Variants in LYST observed in about 807,000 individuals in gnomAD.
LYST encodes the protein lysosomal trafficking regulator.
In LYST, 192 loss-of-function variants were observed where a neutral mutation model predicts 413.6. The ratio of observed to expected loss-of-function variants is 0.46; its 90% CI spans 0.41 to 0.52. The LOEUF is 0.52. LYST is among the 20% of genes least tolerant of loss of function. LYST has a pLI of 0.00. For missense variants in LYST, 3,815 were observed against 4,499.9 expected, an observed-to-expected ratio of 0.85 and a Z score of 4.35; for synonymous variants, 1,525 against 1,567.3, an observed-to-expected ratio of 0.97 and a Z score of 0.64.
Position 235,734,490 on chromosome 1 carries a change from A to G in LYST, c.8528T>C (p.Ile2843Thr), listed in dbSNP as rs373676969. Reference protein sequence around the residue: ...ASTKADLIKMIKEEQKKYETE... With the variant: ...ASTKADLIKMTKEEQKKYETE... Reference sequence around the variant, plus strand: ...ATGGTTTCATTGACTCACCTCTTTGATCATTTTAATAAGGTCTGCTTTTGT... The same window carrying G: ...ATGGTTTCATTGACTCACCTCTTTGGTCATTTTAATAAGGTCTGCTTTTGT... The change falls in exon 32 of 53, where the codon ATC (isoleucine) becomes ACC (threonine). Residue 2843 changes from isoleucine (I) to threonine (T), a missense_variant. By Grantham distance (89) the Ile-to-Thr change is moderately conservative (BLOSUM62 -1). Transcript: ENST00000389793. The G allele has an allele frequency of 9.3e-6, 15 of 1,613,272 alleles. No homozygotes were observed. In the African/African-American group the frequency reaches 2.0e-4, roughly 22 times the overall value.
intron 31 of LYST, chr1:235,739,080 A>G (rs1665095741): frequency 1.8e-6 from 1 of 570,444 alleles, no homozygotes; most frequent in African/African-American, 1.9e-5. Context: ...CTGATCTGTG[A>G]TTAAAGCAGT....
chr1:235,863,296 G>A (rs1190425274), intron 1 of LYST, among the ~76,000 whole-genome samples: 1 of 151,976 alleles, frequency 6.6e-6, no homozygotes, highest in Admixed American at 6.6e-5. Flanking sequence ...GGAGGCTGAG[G>A]CAGGAGAATT....
intron 1 of LYST, among the ~76,000 whole-genome samples, chr1:235,874,371 C>T (rs1260622407): frequency 6.6e-6 from 1 of 152,158 alleles, no homozygotes; most frequent in Non-Finnish European, 1.5e-5. Flanking sequence ...GACAAGTAAA[C>T]AAGCAACTAT....
chr1:235,731,557 T>A (rs984072780), intron 34 of LYST, among the ~76,000 whole-genome samples: 3 of 59,320 alleles, frequency 5.1e-5, no homozygotes, highest in Non-Finnish European at 1.2e-4. Context: ...CCATTTTGCA[T>A]TTTTTTTTTT....
intron 1 of LYST, among the ~76,000 whole-genome samples, chr1:235,872,659 A>G (rs1680986007): frequency 6.6e-6 from 1 of 152,120 alleles, no homozygotes; most frequent in Non-Finnish European, 1.5e-5. Flanking sequence ...AGTGGCTCAT[A>G]CCTGTAATCC....
intron 12 of LYST, among the ~76,000 whole-genome samples, chr1:235,790,720 T>C (rs1202714305): frequency 6.6e-6 from 1 of 152,208 alleles, no homozygotes; most frequent in African/African-American, 2.4e-5. Flanking sequence ...TCCATCACCA[T>C]AAATTGCTTT....
chr1:235,709,016 T>G, intron 44 of LYST, 75 bp downstream of exon 44: 2 of 1,326,126 alleles, frequency 1.5e-6, no homozygotes, highest in South Asian at 2.4e-5. Flanking sequence ...TTTAAAGGAA[T>G]GGCCGAACAA....
chr1:235,805,682 G>C (rs1278066870), intron 6 of LYST, 61 bp downstream of exon 6: 1 of 852,672 alleles, frequency 1.2e-6, no homozygotes, highest in Admixed American at 2.1e-5. Context: ...ATATATATAT[G>C]TGTGTGTGTA....
chr1:235,701,298 T>G (rs181660992), intron 45 of LYST, among the ~76,000 whole-genome samples: 155 of 152,274 alleles, frequency 1.0e-3, no homozygotes, highest in African/African-American at 3.6e-3. Context: ...ATTTATTAAT[T>G]TTCAGGGATG....
At chr1:235,712,717 G>A (rs564308044) in intron 42 of LYST, 71 of 984,872 alleles carry the variant, frequency 7.2e-5, no homozygotes, top group Admixed American at 3.7e-4. Context: ...AGGTTACGGT[G>A]CATTGTTTTT....
intron 10 of LYST, among the ~76,000 whole-genome samples, chr1:235,798,577 A>T (rs12092881): frequency 0.46 from 54,367 of 116,924 alleles, 14,765 homozygotes; most frequent in African/African-American, 0.76. Context: ...AAACCCTGTC[A>T]TAAAAAAAAA....
At chr1:235,808,125 T>C (rs1444317361) in intron 5 of LYST, among the ~76,000 whole-genome samples, 1 of 152,240 alleles carries the variant, frequency 6.6e-6, no homozygotes, top group Non-Finnish European at 1.5e-5. Flanking sequence ...CTCAGTTGTA[T>C]ATCTAAAACT....
intron 45 of LYST, among the ~76,000 whole-genome samples, chr1:235,699,217 T>C (rs953403334): frequency 6.6e-6 from 1 of 152,158 alleles, no homozygotes; most frequent in Non-Finnish European, 1.5e-5. Context: ...AGGTTTTGTC[T>C]TGATGCTCTC....
chr1:235,811,946 A>T (rs12758243), intron 4 of LYST, among the ~76,000 whole-genome samples: 13,902 of 152,230 alleles, frequency 0.091, 828 homozygotes, highest in South Asian at 0.15. Flanking sequence ...AAAACCTTAG[A>T]TACCTCCTTA....
chr1:235,830,089 C>CTTTTTTTTTTTTTT, intron 3 of LYST, 137 bp downstream of exon 3: 1 of 615,956 alleles, frequency 1.6e-6, no homozygotes, highest in Non-Finnish European at 2.8e-6. Flanking sequence ...AATAGGTCCA[C>CTTTTTTTTTTTTTT]TTTTTTTTTA....
rs1406167763 is a variant in LYST, at chr1:235,806,408, T to C, written c.2728A>G (p.Ser910Gly). 6.2e-7 allele frequency: 1 copy of C among 1,613,918 alleles called. No homozygotes were observed. The highest frequency in any genetic ancestry group is 8.5e-7 in the Non-Finnish European group (1 of 1,179,996). ...LFLCVAFLCV[S>G]KEAESDRESA... Reference sequence around the variant, plus strand: ...TCCCTGTCAGACTCTGCTTCTTTACTTACGCATAAAAAAGCCACACAGAGG... The same window carrying C: ...TCCCTGTCAGACTCTGCTTCTTTACCTACGCATAAAAAAGCCACACAGAGG... Residue 910 changes from serine (S) to glycine (G), a missense_variant, in exon 6 of 53, where the codon AGT (serine) becomes GGT (glycine). This residue lies in a region of LYST where 1,648 missense variants were observed against 1,810.3 expected (regional missense o/e 0.91). Transcript: ENST00000389793.
At chr1:235,738,941 G>A (rs1213585964) in intron 31 of LYST, 2 of 727,742 alleles carry the variant, frequency 2.7e-6, no homozygotes, top group South Asian at 1.4e-5. Context: ...CCCATTTGAA[G>A]AACAGTGCAG....
chr1:235,733,479 T>G (rs1664555761), intron 34 of LYST, 24 bp downstream of exon 34: 1 of 1,607,444 alleles, frequency 6.2e-7, no homozygotes, highest in Non-Finnish European at 8.5e-7. Flanking sequence ...GGAAGACAAT[T>G]TTAACTGACC....
intron 1 of LYST, among the ~76,000 whole-genome samples, chr1:235,861,223 A>G (rs1465571499): frequency 6.6e-6 from 1 of 152,222 alleles, no homozygotes; most frequent in South Asian, 2.1e-4. Context: ...AATTTCAAAG[A>G]ATCATATTTG....
Sources: allele counts gnomAD v4.1 joint callset (sites outside exome capture counted in the v4.1 genomes callset), GRCh38; gene constraint gnomAD v4.1.1; regional missense constraint gnomAD v4.1.1; transcripts MANE v1.5; gene names NCBI Gene and HGNC (gene_info 2026-07-23, HGNC 2026-07-21).